Variants in ANGPT1 observed in about 807,000 individuals in gnomAD.
ANGPT1 encodes angiopoietin 1.
ANGPT1 carries 17 observed loss-of-function variants against 62.2 expected under a neutral mutation model. The observed-to-expected ratio is 0.27, with a 90% CI of 0.19 to 0.41. The LOEUF (loss-of-function observed/expected upper bound fraction) is 0.41, where lower values mean the gene tolerates loss of function less well. ANGPT1 is among the 10% of genes least tolerant of loss of function. The pLI is 1.00. For missense variants in ANGPT1, 478 were observed against 594.9 expected (o/e 0.80, Z 2.04); for synonymous variants, 199 against 198.9 (o/e 1.00, Z 0.00).
intron 7 of ANGPT1, among the ~76,000 whole-genome samples, chr8:107,270,159 T>C (rs879633168): frequency 2.0e-5 from 3 of 152,070 alleles, no homozygotes; most frequent in Non-Finnish European, 4.4e-5. Context: ...ACTAATTTTC[T>C]CTACTTAAGA....
At chr8:107,407,497 G>T (rs1161216802) in intron 1 of ANGPT1, among the ~76,000 whole-genome samples, 2 of 152,110 alleles carry the variant, frequency 1.3e-5, no homozygotes, top group Non-Finnish European at 2.9e-5. Context: ...GAAATGTTGT[G>T]CTTTAGTGTC....
intron 2 of ANGPT1, among the ~76,000 whole-genome samples, chr8:107,341,755 A>G (rs1315641705): frequency 6.6e-6 from 1 of 151,922 alleles, no homozygotes; most frequent in Non-Finnish European, 1.5e-5. Context: ...AACTGTGGGT[A>G]GAAATAACTC....
At chr8:107,306,126 T>C (rs1814709762) in intron 4 of ANGPT1, among the ~76,000 whole-genome samples, 1 of 152,062 alleles carries the variant, frequency 6.6e-6, no homozygotes, top group African/African-American at 2.4e-5. Flanking sequence ...ATGACAACAC[T>C]GTTAACAGCA....
intron 8 of ANGPT1, among the ~76,000 whole-genome samples, chr8:107,255,425 C>G (rs929311233): frequency 1.3e-5 from 2 of 152,128 alleles, no homozygotes; most frequent in African/African-American, 2.4e-5. Context: ...GTTTTTATTA[C>G]ACCTTTAGAC....
intron 1 of ANGPT1, among the ~76,000 whole-genome samples, chr8:107,421,864 AG>A: frequency 6.6e-6 from 1 of 152,186 alleles, no homozygotes; most frequent in Non-Finnish European, 1.5e-5. Flanking sequence ...ATTGTCCATA[AG>A]CATGATAATT....
At chr8:107,474,218 A>ACT (rs397743006) in intron 1 of ANGPT1, among the ~76,000 whole-genome samples, 1 of 151,490 alleles carries the variant, frequency 6.6e-6, no homozygotes, top group East Asian at 1.9e-4. Context: ...ATCCAGCAAC[A>ACT]TCAAAAAGCT....
chr8:107,377,922 T>C (rs1171339049), intron 1 of ANGPT1, among the ~76,000 whole-genome samples: 1 of 65,994 alleles, frequency 1.5e-5, no homozygotes, highest in African/African-American at 3.6e-5. Context: ...AATATTGTCA[T>C]GAAAAAAAAA....
At chr8:107,459,525 C>A (rs537964500) in intron 1 of ANGPT1, among the ~76,000 whole-genome samples, 150 of 124,008 alleles carry the variant, frequency 1.2e-3, no homozygotes, top group Middle Eastern at 4.3e-3. Flanking sequence ...ACAACAACAA[C>A]AACAAAACAA....
At position 107,489,312 on chromosome 8, in the gene ANGPT1, C is replaced by T. The variant is rs148543126; in HGVS notation, c.297+7950G>A. On this transcript the variant is annotated intron_variant, in intron 1 of 8. Transcript: ENST00000517746. ...ACACCTCAATGCCTGTGCTAATTTG[C>T]ATGTTTTTTCAAGAGTTCAACACAA... 5.9e-3 allele frequency among the ~76,000 whole-genome samples: 897 copies of T among 152,188 alleles called. 3 individuals carry two copies. The highest frequency in any genetic ancestry group is 9.9e-3 in the Non-Finnish European group (672 of 68,006).
intron 1 of ANGPT1, among the ~76,000 whole-genome samples, chr8:107,412,636 C>A (rs1810618919): frequency 6.6e-6 from 1 of 152,094 alleles, no homozygotes; most frequent in Non-Finnish European, 1.5e-5. Flanking sequence ...ATATTCCAGG[C>A]CACTAGGTGA....
chr8:107,266,941 A>G (rs894176308), intron 7 of ANGPT1, among the ~76,000 whole-genome samples: 9 of 152,158 alleles, frequency 5.9e-5, no homozygotes, highest in Non-Finnish European at 1.0e-4. Flanking sequence ...GAAAAGCAAA[A>G]AGAAGAAATA....
rs555316455 is a variant in ANGPT1, at chr8:107,390,931, C to T, written c.298-43834G>A. 3.7e-4 allele frequency among the ~76,000 whole-genome samples: 56 copies of T among 152,136 alleles called. 1 individual carries two copies. Among genetic ancestry groups the T allele is most frequent in the African/African-American group, 5.8e-4 (24 of 41,512 alleles). The stretch of plus-strand genomic sequence containing the variant: ...GCTACTTATCCCTTCATTATTAAAA[C>T]GGAGGGACAGAACTCCATTATTAAA... On this transcript the variant is annotated intron_variant, in intron 1 of 8. Coordinates refer to ENST00000517746, the MANE Select transcript of ANGPT1 (RefSeq NM_001146.5).
chr8:107,390,386 G>T (rs1412424302), intron 1 of ANGPT1, among the ~76,000 whole-genome samples: 1 of 148,816 alleles, frequency 6.7e-6, no homozygotes, highest in East Asian at 1.9e-4. Flanking sequence ...TGACCATTCA[G>T]TTCAGTCTGG....
chr8:107,441,459 C>G (rs929258312), intron 1 of ANGPT1, among the ~76,000 whole-genome samples: 15 of 152,148 alleles, frequency 9.9e-5, no homozygotes, highest in Non-Finnish European at 1.9e-4. Context: ...GTCTCTTGCT[C>G]TACTGGATTT....
rs1813026353 is a variant in ANGPT1, at chr8:107,493,792, GATATTA to G, written c.297+3464_297+3469del. On this transcript the variant is annotated intron_variant, in intron 1 of 8. Coordinates refer to ENST00000517746, the MANE Select transcript of ANGPT1 (RefSeq NM_001146.5). ...GCCTCATGGAGGTCACATTCTAATGGATATTAATAGGGATTAATATATATGTAATAT... is the reference window on the plus strand; with the variant it reads ...GCCTCATGGAGGTCACATTCTAATGGATAGGGATTAATATATATGTAATAT... Among the ~76,000 whole-genome samples, 3 of 150,314 alleles carry G rather than the reference GATATTA, an allele frequency of 2.0e-5. No individual in the cohort carries two copies. In the South Asian group the frequency reaches 6.5e-4, roughly 33 times the overall value.
At position 107,346,922 on chromosome 8, in the gene ANGPT1, A is replaced by C. The variant is rs1420017640; in HGVS notation, c.453+20T>G. 4.4e-6 allele frequency: 7 copies of C among 1,585,174 alleles called. No individual in the cohort carries two copies. Among genetic ancestry groups the C allele is most frequent in the Non-Finnish European group, 6.0e-6 (7 of 1,166,606 alleles). ...AAATTTTTCCTTGTTGAGTCTGTGG[A>C]CTCTGGCCCTGGGGTGTACCTGGGT... On this transcript the variant is annotated intron_variant, in intron 2 of 8. Transcript: ENST00000517746.
chr8:107,265,790 T>A (rs1813599981), intron 7 of ANGPT1, among the ~76,000 whole-genome samples: 1 of 152,174 alleles, frequency 6.6e-6, no homozygotes, highest in African/African-American at 2.4e-5. Flanking sequence ...TACATTATTA[T>A]GAAATAGAAT....
intron 1 of ANGPT1, among the ~76,000 whole-genome samples, chr8:107,441,109 A>G (rs1811463474): frequency 6.6e-6 from 1 of 152,224 alleles, no homozygotes; most frequent in South Asian, 2.1e-4. Flanking sequence ...AAGCAAATTC[A>G]TTAAGCTATG....
At chr8:107,329,100 A>G (rs1454889467) in intron 3 of ANGPT1, among the ~76,000 whole-genome samples, 2 of 152,124 alleles carry the variant, frequency 1.3e-5, no homozygotes, top group Admixed American at 6.6e-5. Context: ...ATATATGCAC[A>G]TATCATATAA....
Sources: gnomAD v4.1 joint callset for allele counts (sites outside exome capture counted in the v4.1 genomes callset) on GRCh38, gnomAD v4.1.1 for gene constraint, MANE v1.5 for transcripts, NCBI Gene and HGNC (gene_info 2026-07-23, HGNC 2026-07-21) for gene names.